Variants in MYCBP2 observed in about 807,000 individuals in gnomAD.
The protein encoded by MYCBP2 is E3 ubiquitin-protein ligase MYCBP2.
MYCBP2 carries 120 observed loss-of-function variants against 525.3 expected under a neutral mutation model. The observed-to-expected ratio is 0.23, with a 90% CI of 0.20 to 0.27. The LOEUF (loss-of-function observed/expected upper bound fraction) is 0.27. Ranked by LOEUF, MYCBP2 falls within the 10% of genes least tolerant of loss-of-function variation. The pLI is 1.00. For missense variants in MYCBP2, 4,149 were observed against 5,657.1 expected (o/e 0.73, Z 8.55); for synonymous variants, 1,894 against 1,955.8 (o/e 0.97, Z 0.83).
At chr13:77,261,124 A>G in intron 12 of MYCBP2, 47 bp downstream of exon 12, 1 of 1,475,930 alleles carries the variant, frequency 6.8e-7, no homozygotes, top group Non-Finnish European at 9.2e-7. Context: ...TTTTACTAAA[A>G]TAAAGCATTT....
intron 55 of MYCBP2, chr13:77,099,601 C>T (rs2154131517): frequency 6.5e-6 from 1 of 153,838 alleles, no homozygotes; most frequent in African/African-American, 2.4e-5. Flanking sequence ...ACAATGAGCA[C>T]ATGAATGCCC....
intron 47 of MYCBP2, among the ~76,000 whole-genome samples, chr13:77,148,939 A>G (rs891683237): frequency 3.3e-5 from 5 of 152,100 alleles, no homozygotes; most frequent in African/African-American, 1.2e-4. Context: ...AGAATGAAAC[A>G]AGCACTACTC....
At position 77,270,261 on chromosome 13, in the gene MYCBP2, CTG is replaced by C. The variant is rs772846436; in HGVS notation, c.1188+33_1188+34del. 22 of 1,577,036 alleles carry C rather than the reference CTG, an allele frequency of 1.4e-5. No homozygotes were observed. In the African/African-American group the frequency reaches 2.9e-4, roughly 21 times the overall value. ...AACACAATTCATTATGGTTATAACT[CTG>C]TATAATTAAGGAACTGTAAGGAATC... On this transcript the variant is annotated intron_variant, in intron 6 of 82. Coordinates refer to ENST00000544440, the MANE Select transcript of MYCBP2 (RefSeq NM_015057.5).
At chr13:77,283,619 A>C (rs2076422697) in intron 3 of MYCBP2, among the ~76,000 whole-genome samples, 1 of 152,192 alleles carries the variant, frequency 6.6e-6, no homozygotes, top group Admixed American at 6.5e-5. Context: ...ATTATGCACC[A>C]GGCACGGTGA....
intron 17 of MYCBP2, among the ~76,000 whole-genome samples, chr13:77,237,942 C>G (rs1383062961): frequency 2.0e-5 from 3 of 152,010 alleles, no homozygotes; most frequent in Non-Finnish European, 4.4e-5. Context: ...GTTTTAAGGG[C>G]TTAAAAAGTA....
chr13:77,256,257 G>A (rs2072172745), intron 14 of MYCBP2, among the ~76,000 whole-genome samples: 1 of 152,022 alleles, frequency 6.6e-6, no homozygotes, highest in Non-Finnish European at 1.5e-5. Context: ...AAAGATTGCT[G>A]CCAAAAATGG....
At chr13:77,069,692 T>TA (rs752290620) in intron 69 of MYCBP2, among the ~76,000 whole-genome samples, 7,686 of 70,302 alleles carry the variant, frequency 0.11, 557 homozygotes, top group African/African-American at 0.22. Context: ...CCGTCTGTAC[T>TA]AAAAAAAAAA....
chr13:77,296,224 A>C (rs1199714138), intron 2 of MYCBP2, among the ~76,000 whole-genome samples: 1 of 152,090 alleles, frequency 6.6e-6, no homozygotes. Context: ...GTTCGAGACA[A>C]GCCTGGCCAA....
chr13:77,067,505 T>C, intron 71 of MYCBP2, 76 bp downstream of exon 71: 1 of 1,466,250 alleles, frequency 6.8e-7, no homozygotes, highest in Non-Finnish European at 9.3e-7. Flanking sequence ...AGGTAAAATC[T>C]GAAATTATGT....
At chr13:77,128,836 GA>G (rs1466647918) in intron 52 of MYCBP2, among the ~76,000 whole-genome samples, 1 of 151,624 alleles carries the variant, frequency 6.6e-6, no homozygotes, top group East Asian at 1.9e-4. Flanking sequence ...GTTGGCAGCA[GA>G]AAAAATAAAA....
intron 10 of MYCBP2, among the ~76,000 whole-genome samples, chr13:77,263,125 T>C (rs563956663): frequency 6.6e-6 from 1 of 152,098 alleles, no homozygotes; most frequent in South Asian, 2.1e-4. Flanking sequence ...TCTGTGGTTA[T>C]CTGTATTTCT....
rs376741378 is a variant in MYCBP2 at position 77,058,455 on chromosome 13, A to T, written c.13141-49T>A. ...TACACAAGTATGTAAAAAAGCACACATTCTGGTAATTTTCCTTATTATATA... is the reference window on the plus strand; with the variant it reads ...TACACAAGTATGTAAAAAAGCACACTTTCTGGTAATTTTCCTTATTATATA... On this transcript the variant is annotated intron_variant, in intron 77 of 82. Transcript: ENST00000544440. The surrounding 1 kb of genome is among the most constrained non-coding windows in gnomAD (Gnocchi z 4.1). 7.0e-7 allele frequency: 1 copy of T among 1,435,052 alleles called. No individual in the cohort carries two copies. Among genetic ancestry groups the T allele is most frequent in the South Asian group, 1.5e-5 (1 of 66,836 alleles). The allele number at this position is 1,435,052 out of a possible 1,614,324, so 88.9% of individuals were successfully genotyped here. A position where few individuals can be genotyped will look rare whatever the true frequency, so the allele number is the denominator to read the frequency against.
intron 29 of MYCBP2, among the ~76,000 whole-genome samples, chr13:77,189,457 C>T (rs992122497): frequency 3.3e-5 from 5 of 152,020 alleles, no homozygotes; most frequent in African/African-American, 1.2e-4. Context: ...TAACAGATTG[C>T]ACGGTGCATA....
chr13:77,247,628 AAAG>A (rs1349178784), intron 15 of MYCBP2, among the ~76,000 whole-genome samples: 1 of 152,202 alleles, frequency 6.6e-6, no homozygotes, highest in Non-Finnish European at 1.5e-5. Context: ...CAATCTTGAA[AAAG>A]AAGAACAAAG....
At chr13:77,276,660 T>G (rs1158493677) in intron 4 of MYCBP2, among the ~76,000 whole-genome samples, 9 of 151,682 alleles carry the variant, frequency 5.9e-5, no homozygotes, top group African/African-American at 1.7e-4. Flanking sequence ...GTGGGATTTT[T>G]TGGGGGTTTT....
intron 55 of MYCBP2, among the ~76,000 whole-genome samples, chr13:77,119,088 T>G (rs143409725): frequency 6.6e-6 from 1 of 152,306 alleles, no homozygotes; most frequent in Non-Finnish European, 1.5e-5. Context: ...TTTGCTTAGA[T>G]GAATAATTTA....
intron 17 of MYCBP2, among the ~76,000 whole-genome samples, chr13:77,240,821 T>C (rs553628516): frequency 8.5e-5 from 13 of 152,280 alleles, no homozygotes; most frequent in East Asian, 3.9e-4. Context: ...ACTGTGATAA[T>C]TGAGGTTCAT....
At chr13:77,311,262 C>G (rs2080166789) in intron 1 of MYCBP2, among the ~76,000 whole-genome samples, 1 of 152,030 alleles carries the variant, frequency 6.6e-6, no homozygotes, top group South Asian at 2.1e-4. Context: ...AAGGGATCCC[C>G]TAAACAACAA....
intron 80 of MYCBP2, among the ~76,000 whole-genome samples, chr13:77,055,048 T>C (rs184823472): frequency 1.3e-5 from 2 of 151,616 alleles, no homozygotes; most frequent in East Asian, 3.9e-4. Context: ...GGTATAGATG[T>C]AAAAGAGGTC....
Sources: gnomAD v4.1 joint callset for allele counts (sites outside exome capture counted in the v4.1 genomes callset) on GRCh38, gnomAD v4.1.1 for gene constraint, Gnocchi (gnomAD v3.1) non-coding constraint, MANE v1.5 for transcripts, NCBI Gene and HGNC (gene_info 2026-07-23, HGNC 2026-07-21) for gene names.